The following PLA2G2C variants were observed in gnomAD, a reference collection of about 807,000 sequenced individuals.
PLA2G2C encodes the protein phospholipase A2 group IIC, also known as putative inactive group IIC secretory phospholipase A2.
In PLA2G2C, 15 loss-of-function variants were observed where a neutral mutation model predicts 14.3. That is an observed-to-expected ratio of 1.05 (90% CI 0.70 to 1.62). PLA2G2C has a LOEUF of 1.62. Among genes scored for constraint, PLA2G2C ranks in the 40% most tolerant of loss-of-function variants. PLA2G2C has a pLI of 0.00. For synonymous variants in PLA2G2C, 79 were observed against 67.7 expected (o/e 1.17, Z -0.82); for missense variants, 162 against 173.2 (o/e 0.94, Z 0.36).
chr1:20,180,825 A>T (rs1299028867), intron 1 of PLA2G2C, among the ~76,000 whole-genome samples: 1 of 152,250 alleles, frequency 6.6e-6, no homozygotes, highest in Non-Finnish European at 1.5e-5. Flanking sequence ...CCCCTAGGGC[A>T]GCAGCCAGTA....
intron 2 of PLA2G2C, among the ~76,000 whole-genome samples, chr1:20,177,118 C>T (rs2100722151): frequency 6.6e-6 from 1 of 152,252 alleles, no homozygotes; most frequent in East Asian, 1.9e-4. Flanking sequence ...TTCCTAGACA[C>T]TTTATAAGAT....
chr1:20,171,758 CTTTTTTTTTT>C (rs10710359), intron 4 of PLA2G2C, among the ~76,000 whole-genome samples: 12 of 121,524 alleles, frequency 9.9e-5, no homozygotes, highest in African/African-American at 3.5e-4. Context: ...GCCACTTCTT[CTTTTTTTTTT>C]TTTTTTTTTT....
chr1:20,164,740 C>G (rs1320919094), intron 4 of PLA2G2C, among the ~76,000 whole-genome samples: 1 of 152,246 alleles, frequency 6.6e-6, no homozygotes, highest in African/African-American at 2.4e-5. Flanking sequence ...CCTGTGAGCC[C>G]GTGATTCACC....
rs2100708937 is a variant in PLA2G2C, at chr1:20,163,938, G to C, written c.*53C>G. The C allele has an allele frequency of 6.5e-7, 1 of 1,546,078 alleles. No homozygotes were observed. ...GGGGATGATCTGAGAAGGCTTCCTGGAAGAGCAACACTAGAGCGGATGCTG... is the reference window on the plus strand; with the variant it reads ...GGGGATGATCTGAGAAGGCTTCCTGCAAGAGCAACACTAGAGCGGATGCTG... On this transcript the variant is annotated 3_prime_UTR_variant, in exon 5 of 5. Transcript: ENST00000679259.
chr1:20,184,188 T>C (rs12409350), intron 1 of PLA2G2C: 53,988 of 137,918 alleles, frequency 0.39, 11,686 homozygotes, highest in African/African-American at 0.64. Context: ...CGCGCGTGCG[T>C]GCGCACACGC....
intron 4 of PLA2G2C, among the ~76,000 whole-genome samples, chr1:20,171,935 T>G (rs2018085545): frequency 6.6e-6 from 1 of 151,382 alleles, no homozygotes; most frequent in African/African-American, 2.4e-5. Context: ...CTAATTTTTT[T>G]TGTATTTTTA....
At position 20,171,857 on chromosome 1, in the gene PLA2G2C, G is replaced by A. The variant is rs1031952873; in HGVS notation, c.283+937C>T. On this transcript the variant is annotated intron_variant, in intron 4 of 4. Coordinates refer to ENST00000679259, the MANE Select transcript of PLA2G2C (RefSeq NM_001367969.2). ...GCTCACTGCAAGCTCCGCCTCCCGG[G>A]TTCACGCCATTCTCCTGCCTCAGCC... 2.6e-4 allele frequency among the ~76,000 whole-genome samples: 39 copies of A among 150,086 alleles called. No individual in the cohort carries two copies. In the South Asian group the frequency reaches 7.5e-3, roughly 29 times the overall value.
Position 20,163,369 on chromosome 1 carries a change from A to G in PLA2G2C, c.*622T>C, listed in dbSNP as rs578027972. The G allele has an allele frequency of 6.6e-6, 1 of 152,474 alleles. No homozygotes were observed. Among genetic ancestry groups the G allele is most frequent in the African/African-American group, 2.4e-5 (1 of 41,590 alleles). The allele number at this position is 152,474 out of a possible 1,614,324, so 9.4% of individuals were successfully genotyped here. On this transcript the variant is annotated 3_prime_UTR_variant, in exon 5 of 5. Transcript: ENST00000679259. ...ACTGGTAAACCATCCCTCCCACAACATTCTATTGACCAAACTAAGCCACAA... is the reference window on the plus strand; with the variant it reads ...ACTGGTAAACCATCCCTCCCACAACGTTCTATTGACCAAACTAAGCCACAA...
intron 2 of PLA2G2C, among the ~76,000 whole-genome samples, chr1:20,176,699 A>C (rs1160507944): frequency 6.6e-6 from 1 of 152,234 alleles, no homozygotes; most frequent in African/African-American, 2.4e-5. Flanking sequence ...TGTTTTTGAC[A>C]TCTTTGACTT....
rs573194117 is a variant in PLA2G2C, at chr1:20,177,843, G to C, written c.-76-404C>G. 2.0e-5 allele frequency among the ~76,000 whole-genome samples: 3 copies of C among 152,152 alleles called. No homozygotes were observed. In the East Asian group the frequency reaches 5.8e-4, roughly 29 times the overall value. The stretch of plus-strand genomic sequence containing the variant: ...AGTGCCTTCCTTCCTTGATACCCAG[G>C]CATCATATTCATCAACTTTACCTCT... On this transcript the variant is annotated intron_variant, in intron 1 of 4. Coordinates refer to ENST00000679259, the MANE Select transcript of PLA2G2C (RefSeq NM_001367969.2).
At chr1:20,167,833 C>T (rs1009983854) in intron 4 of PLA2G2C, among the ~76,000 whole-genome samples, 3 of 152,236 alleles carry the variant, frequency 2.0e-5, no homozygotes, top group African/African-American at 7.2e-5. Context: ...CCCAGAGAGG[C>T]CTTCTTCGAC....
At chr1:20,172,600 G>A (rs1464829445) in intron 4 of PLA2G2C, among the ~76,000 whole-genome samples, 194 bp downstream of exon 4, 1 of 152,096 alleles carries the variant, frequency 6.6e-6, no homozygotes, top group Admixed American at 6.5e-5. Context: ...TACACTCATG[G>A]GTGGGAGAGA....
chr1:20,180,803 C>T lies in PLA2G2C; in HGVS notation c.-76-3364G>A, dbSNP rs944054544. 3.3e-5 allele frequency among the ~76,000 whole-genome samples: 5 copies of T among 152,368 alleles called. No individual in the cohort carries two copies. The East Asian group carries it at 9.6e-4, about 29-fold the overall frequency. On this transcript the variant is annotated intron_variant, in intron 1 of 4. Transcript: ENST00000679259. Reference sequence around the variant, plus strand: ...AAGAATGTAGAAAGCATGGCATGGCCTCCCACGCCAGCCCCTAGGGCAGCA... The same window carrying T: ...AAGAATGTAGAAAGCATGGCATGGCTTCCCACGCCAGCCCCTAGGGCAGCA...
chr1:20,177,721 C>A (rs1314636094), intron 1 of PLA2G2C, among the ~76,000 whole-genome samples: 9 of 151,722 alleles, frequency 5.9e-5, no homozygotes, highest in Non-Finnish European at 1.5e-5. Flanking sequence ...TTTGAGGAGT[C>A]CATATTTCCT....
intron 1 of PLA2G2C, among the ~76,000 whole-genome samples, chr1:20,185,531 G>C (rs1441337134): frequency 6.6e-6 from 1 of 152,230 alleles, no homozygotes; most frequent in Non-Finnish European, 1.5e-5. Context: ...GGACATCAAA[G>C]GAGGTGCAGA....
chr1:20,174,907 G>A (rs1356866883), intron 3 of PLA2G2C, 100 bp downstream of exon 3: 1 of 1,232,212 alleles, frequency 8.1e-7, no homozygotes, highest in East Asian at 2.6e-5. Context: ...GTTGTTTTCT[G>A]TTATTTGCCA....
At chr1:20,173,603 CT>C (rs1432608885) in intron 3 of PLA2G2C, among the ~76,000 whole-genome samples, 1 of 152,208 alleles carries the variant, frequency 6.6e-6, no homozygotes, top group African/African-American at 2.4e-5. Context: ...GAGGAGACAA[CT>C]GTCTGTAAAA....
intron 1 of PLA2G2C, among the ~76,000 whole-genome samples, chr1:20,180,080 T>G (rs2018258808): frequency 6.6e-6 from 1 of 151,552 alleles, no homozygotes; most frequent in Non-Finnish European, 1.5e-5. Context: ...CTCCCTCTGT[T>G]CCAGCTTCTC....
chr1:20,166,738 C>G (rs531822829), intron 4 of PLA2G2C, among the ~76,000 whole-genome samples: 24 of 152,186 alleles, frequency 1.6e-4, no homozygotes, highest in African/African-American at 5.8e-4. Flanking sequence ...CTCTCCCTTT[C>G]TCATTTGGTC....
Sources: allele counts gnomAD v4.1 joint callset (sites outside exome capture counted in the v4.1 genomes callset), GRCh38; gene constraint gnomAD v4.1.1; transcripts MANE v1.5; gene names NCBI Gene and HGNC (gene_info 2026-07-23, HGNC 2026-07-21).